NALF1: variants seen among roughly 807,000 people sequenced by gnomAD.
The protein encoded by NALF1 is family with sequence similarity 155 member A.
Under a neutral mutation model 48.4 loss-of-function variants are expected in NALF1, and 3 were observed. That is an observed-to-expected ratio of 0.06 (90% CI 0.03 to 0.16). The LOEUF is 0.16. Among genes scored for constraint, NALF1 ranks in the 10% least tolerant of loss-of-function variants. NALF1 has a pLI of 1.00. For missense variants in NALF1, 526 were observed against 571.5 expected (o/e 0.92, Z 0.81); for synonymous variants, 262 against 245.7 (o/e 1.07, Z -0.62).
chr13:107,413,467 C>T (rs1884028146), intron 1 of NALF1, among the ~76,000 whole-genome samples: 1 of 146,992 alleles, frequency 6.8e-6, no homozygotes. Flanking sequence ...TTTTAAATAT[C>T]TAAAAATTTT....
intron 2 of NALF1, among the ~76,000 whole-genome samples, chr13:107,185,245 T>C (rs1361488020): frequency 6.6e-6 from 1 of 152,020 alleles, no homozygotes; most frequent in Non-Finnish European, 1.5e-5. Flanking sequence ...TATAAGAAAA[T>C]ACATGTCTAC....
chr13:107,667,484 C>T (rs1594194384), intron 1 of NALF1, among the ~76,000 whole-genome samples: 2 of 152,096 alleles, frequency 1.3e-5, no homozygotes, highest in Admixed American at 1.3e-4. Context: ...ATTTGATTTT[C>T]ATTTATTTAT....
At chr13:107,271,053 G>A (rs1041810100) in intron 1 of NALF1, among the ~76,000 whole-genome samples, 5 of 152,222 alleles carry the variant, frequency 3.3e-5, no homozygotes, top group Middle Eastern at 3.4e-3. Flanking sequence ...TGAAGCATCC[G>A]TCTCAGATTT....
intron 1 of NALF1, among the ~76,000 whole-genome samples, chr13:107,512,977 G>T (rs371322300): frequency 2.6e-5 from 4 of 152,078 alleles, no homozygotes; most frequent in African/African-American, 9.7e-5. Context: ...CCATTGTGTT[G>T]ATTTTAAAAA....
chr13:107,185,709 AT>A lies in NALF1; in HGVS notation c.1088-14924del, dbSNP rs201097745. Among the ~76,000 whole-genome samples the A allele has an allele frequency of 4.0e-3, 605 of 152,222 alleles. 6 individuals carry two copies. In the East Asian group the frequency reaches 0.04, roughly 10 times the overall value. ...CTTTCCACCATGTATATATTTATTT[AT>A]TTTTTTAAATTAGCTTTTAAAAAAC... On this transcript the variant is annotated intron_variant, in intron 2 of 2. Coordinates refer to ENST00000375915, the MANE Select transcript of NALF1 (RefSeq NM_001080396.3).
intron 1 of NALF1, among the ~76,000 whole-genome samples, chr13:107,659,821 T>TC (rs1381150536): frequency 6.6e-6 from 1 of 151,972 alleles, no homozygotes; most frequent in Admixed American, 6.6e-5. Context: ...ATTTTCTTTT[T>TC]TTTTTTTGAG....
At chr13:107,636,922 A>C (rs1879992862) in intron 1 of NALF1, among the ~76,000 whole-genome samples, 1 of 150,192 alleles carries the variant, frequency 6.7e-6, no homozygotes, top group African/African-American at 2.4e-5. Context: ...GTCATGATCC[A>C]CATGAAGACA....
At chr13:107,758,448 G>T (rs1053144086) in intron 1 of NALF1, among the ~76,000 whole-genome samples, 10 of 152,168 alleles carry the variant, frequency 6.6e-5, no homozygotes, top group African/African-American at 1.4e-4. Flanking sequence ...TAGGCTTGGC[G>T]CAGTGGCTTA....
At chr13:107,339,158 G>T (rs78396369) in intron 1 of NALF1, among the ~76,000 whole-genome samples, 2 of 137,276 alleles carry the variant, frequency 1.5e-5, no homozygotes, top group African/African-American at 5.6e-5. Flanking sequence ...AAAAAAAAAA[G>T]TTACAGCTTG....
intron 1 of NALF1, among the ~76,000 whole-genome samples, chr13:107,635,536 T>C (rs1853683969): frequency 6.6e-6 from 1 of 152,118 alleles, no homozygotes; most frequent in Admixed American, 6.6e-5. Context: ...CCGTATCATT[T>C]ACCCTTTAAG....
intron 1 of NALF1, among the ~76,000 whole-genome samples, chr13:107,556,638 T>A (rs1877491766): frequency 6.7e-6 from 1 of 148,864 alleles, no homozygotes; most frequent in Non-Finnish European, 1.5e-5. Context: ...ATTACAGGCA[T>A]GCACTGCCCT....
intron 1 of NALF1, among the ~76,000 whole-genome samples, chr13:107,687,027 A>G (rs1274144858): frequency 2.6e-5 from 4 of 152,228 alleles, no homozygotes; most frequent in Non-Finnish European, 4.4e-5. Flanking sequence ...CTTATTCACA[A>G]TAACAAGATC....
intron 1 of NALF1, among the ~76,000 whole-genome samples, chr13:107,753,173 T>C (rs1876987567): frequency 6.6e-6 from 1 of 152,232 alleles, no homozygotes; most frequent in African/African-American, 2.4e-5. Context: ...CCCTTTGCTT[T>C]AGATATCTGT....
intron 2 of NALF1, among the ~76,000 whole-genome samples, chr13:107,206,316 G>A (rs1266383641): frequency 1.3e-5 from 2 of 152,136 alleles, no homozygotes; most frequent in African/African-American, 2.4e-5. Flanking sequence ...ATCAAGATCC[G>A]TGGTTAGAAC....
chr13:107,707,055 T>C (rs1276536657), intron 1 of NALF1, among the ~76,000 whole-genome samples: 2 of 148,006 alleles, frequency 1.4e-5, no homozygotes, highest in African/African-American at 5.0e-5. Flanking sequence ...CCCAAGTAGC[T>C]GGGACTACAG....
intron 1 of NALF1, among the ~76,000 whole-genome samples, chr13:107,496,121 T>C (rs615582): frequency 0.43 from 64,949 of 151,968 alleles, 14,222 homozygotes; most frequent in African/African-American, 0.49. Context: ...AATTTCTTTA[T>C]TAGAATTGTA....
chr13:107,486,147 G>A lies in NALF1; in HGVS notation c.916-275392C>T, dbSNP rs562787780. Among the ~76,000 whole-genome samples the A allele has an allele frequency of 7.2e-5, 11 of 152,232 alleles. No individual in the cohort carries two copies. In the South Asian group the frequency reaches 2.3e-3, roughly 32 times the overall value. Reference sequence around the variant, plus strand: ...CTAGTTCGGTTACAGGCATAAAGTTGAGTGCTCGAAATATTTATCAACGTT... The same window carrying A: ...CTAGTTCGGTTACAGGCATAAAGTTAAGTGCTCGAAATATTTATCAACGTT... On this transcript the variant is annotated intron_variant, in intron 1 of 2. Transcript: ENST00000375915.
chr13:107,857,124 C>T (rs1566508272), intron 1 of NALF1, among the ~76,000 whole-genome samples: 2 of 152,204 alleles, frequency 1.3e-5, no homozygotes. Flanking sequence ...ATTCATGCAG[C>T]ACAGCTTCCA....
intron 1 of NALF1, among the ~76,000 whole-genome samples, chr13:107,647,389 G>C (rs1880341080): frequency 1.3e-5 from 2 of 150,444 alleles, no homozygotes; most frequent in Admixed American, 1.3e-4. Context: ...AATCAAAAAA[G>C]AACCTCATCA....
Sources: gnomAD v4.1 joint callset for allele counts (sites outside exome capture counted in the v4.1 genomes callset) on GRCh38, gnomAD v4.1.1 for gene constraint, MANE v1.5 for transcripts, NCBI Gene and HGNC (gene_info 2026-07-23, HGNC 2026-07-21) for gene names.